The following ZSWIM2 variants were observed in gnomAD, a reference collection of about 807,000 sequenced individuals.
ZSWIM2 encodes zinc finger SWIM-type containing 2.
A neutral mutation model predicts 48.4 loss-of-function variants in ZSWIM2; 38 were observed. That is an observed-to-expected ratio of 0.79 (90% CI 0.61 to 1.03). The LOEUF (loss-of-function observed/expected upper bound fraction) is 1.03. Ranked by LOEUF, ZSWIM2 falls within the 50% of genes least tolerant of loss-of-function variation. The pLI is 0.00. For missense variants in ZSWIM2, 776 were observed against 730.2 expected (o/e 1.06, Z -0.72); for synonymous variants, 240 against 251.3 (o/e 0.96, Z 0.42).
intron 8 of ZSWIM2, 31 bp from the exon 9 acceptor site, chr2:186,828,821 A>C: frequency 7.8e-7 from 1 of 1,275,654 alleles, no homozygotes; most frequent in Non-Finnish European, 1.0e-6. Flanking sequence ...AATCAGAACT[A>C]TACCAATCTT....
In ZSWIM2 at chr2:186,844,774, G is replaced by GA. The variant is rs771706125; in HGVS notation, c.243-18dup. ...AACAAGACCCTAACATTCACAAGTA[G>GA]AAAAAAAATCAAGACATTTATTTTT... On this transcript the variant is annotated splice_polypyrimidine_tract_variant and intron_variant, in intron 2 of 8. Transcript: ENST00000295131. 3.1e-5 allele frequency: 47 copies of GA among 1,535,208 alleles called. No homozygotes were observed. The highest frequency in any genetic ancestry group is 2.6e-4 in the Admixed American group (12 of 46,174).
intron 3 of ZSWIM2, among the ~76,000 whole-genome samples, chr2:186,841,041 G>C (rs935449746): frequency 6.6e-6 from 1 of 151,464 alleles, no homozygotes; most frequent in Admixed American, 6.6e-5. Flanking sequence ...ATAAAGCACA[G>C]ACACTAAAAC....
intron 7 of ZSWIM2, among the ~76,000 whole-genome samples, chr2:186,832,616 C>T (rs563462500): frequency 6.6e-6 from 1 of 152,074 alleles, no homozygotes; most frequent in African/African-American, 2.4e-5. Context: ...ATTTCAAATG[C>T]AAATTTCAAA....
At chr2:186,834,472 G>C (rs190982454) in intron 5 of ZSWIM2, among the ~76,000 whole-genome samples, 177 of 152,186 alleles carry the variant, frequency 1.2e-3, no homozygotes, top group Middle Eastern at 3.4e-3. Flanking sequence ...TCAGATCAGC[G>C]GTGGCATCAG....
At position 186,837,326 on chromosome 2, in the gene ZSWIM2, T is replaced by G; in HGVS notation, c.723A>C (p.Pro241=). 1 of 1,612,764 alleles carries G rather than the reference T, an allele frequency of 6.2e-7. No homozygotes were observed. The highest frequency in any genetic ancestry group is 8.5e-7 in the Non-Finnish European group (1 of 1,179,120). ...CTTACTTATAACACTTCCCCTCAAT[T>G]GGAAACTGTTTGCAGTTATTACAGG... ...GIPCNNCKQF[P]IEGKCYKCTE... is the part of the protein sequence containing the mutation. Residue 241 remains proline, a synonymous_variant, in exon 5 of 9, where the codon CCA becomes CCC. Coordinates refer to ENST00000295131, the MANE Select transcript of ZSWIM2 (RefSeq NM_182521.3).
At chr2:186,833,266 A>G (rs758294972) in intron 6 of ZSWIM2, 34 bp from the exon 7 acceptor site, 37 of 1,073,152 alleles carry the variant, frequency 3.4e-5, no homozygotes, top group Non-Finnish European at 4.7e-5. Flanking sequence ...TACTTTGCAA[A>G]GTCGTGGATA....
intron 3 of ZSWIM2, among the ~76,000 whole-genome samples, chr2:186,840,977 C>A (rs1161871753): frequency 6.6e-6 from 1 of 151,300 alleles, no homozygotes; most frequent in Non-Finnish European, 1.5e-5. Context: ...GTAAACAAGG[C>A]AGTGGAAGAT....
chr2:186,834,456 C>T (rs971830825), intron 5 of ZSWIM2, among the ~76,000 whole-genome samples: 12 of 151,994 alleles, frequency 7.9e-5, no homozygotes, highest in Non-Finnish European at 1.0e-4. Context: ...AAATCTCCTC[C>T]TTCTGTCAGA....
chr2:186,833,855 A>G, intron 6 of ZSWIM2, 91 bp downstream of exon 6: 3 of 1,015,342 alleles, frequency 3.0e-6, no homozygotes, highest in Admixed American at 2.1e-5. Flanking sequence ...TCTGTTCCAC[A>G]GTGTTATGTA....
chr2:186,842,849 G>A (rs1691928996), intron 3 of ZSWIM2, among the ~76,000 whole-genome samples: 1 of 151,500 alleles, frequency 6.6e-6, no homozygotes, highest in Non-Finnish European at 1.5e-5. Context: ...AAATGTATAA[G>A]TATGTAACAA....
chr2:186,849,092 T>C lies in ZSWIM2; in HGVS notation c.39A>G (p.Arg13=). 6.2e-7 allele frequency: 1 copy of C among 1,614,006 alleles called. No individual in the cohort carries two copies. Among genetic ancestry groups the C allele is most frequent in the Non-Finnish European group, 8.5e-7 (1 of 1,179,962 alleles). Residue 13 remains arginine (R), a synonymous_variant, in exon 1 of 9, where the codon AGA becomes AGG. Coordinates refer to ENST00000295131, the MANE Select transcript of ZSWIM2 (RefSeq NM_182521.3). Reference sequence around the variant, plus strand: ...GCCAGCTGAGCCTCTCGCTCAAGTGTCTTCGCCTTTCAGAGGCCTTATAGC... The same window carrying C: ...GCCAGCTGAGCCTCTCGCTCAAGTGCCTTCGCCTTTCAGAGGCCTTATAGC... The part of the protein sequence containing the change: ...RRGYKASERR[R]HLSERLSWHQ...
intron 3 of ZSWIM2, among the ~76,000 whole-genome samples, chr2:186,840,888 A>G (rs1281694611): frequency 2.0e-5 from 3 of 151,470 alleles, no homozygotes. Context: ...TGAAAAAAGT[A>G]ATGCTTATAA....
chr2:186,840,699 A>T (rs1359367989), intron 3 of ZSWIM2, among the ~76,000 whole-genome samples: 1 of 151,016 alleles, frequency 6.6e-6, no homozygotes, highest in Non-Finnish European at 1.5e-5. Context: ...AAATAATAAA[A>T]TGAGCAGAAA....
chr2:186,838,967 G>T lies in ZSWIM2; in HGVS notation c.486C>A (p.Thr162=), dbSNP rs776404112. 1 of 1,606,890 alleles carries T rather than the reference G, an allele frequency of 6.2e-7. No homozygotes were observed. Among genetic ancestry groups the T allele is most frequent in the Non-Finnish European group, 8.5e-7 (1 of 1,175,970 alleles). ...ELLLEKKLPV[T]FCRFGCGNSI... ...AAGAAAAAGTACATCACCTGCAAAA[G>T]GTGACAGGAAGCTTTTTCTCTAAAA... The change falls in exon 4 of 9, where the codon ACC becomes ACA. Residue 162 remains threonine, a synonymous_variant. Coordinates refer to ENST00000295131, the MANE Select transcript of ZSWIM2 (RefSeq NM_182521.3).
chr2:186,828,405 G>A lies in ZSWIM2; in HGVS notation c.1481C>T (p.Pro494Leu), dbSNP rs138793510. The change falls in exon 9 of 9, where the codon CCC becomes CTC. Residue 494 changes from proline (P) to leucine (L), a missense_variant. Pro to Leu is a moderately conservative substitution (Grantham distance 98, BLOSUM62 -3). Transcript: ENST00000295131. ...TYDYKISQHF[P>L]RYLQDLPTVS... Reference sequence around the variant, plus strand: ...AGTGGGTAAATCTTGAAGATACCTGGGAAAATGTTGGCTAATTTTATAATC... The same window carrying A: ...AGTGGGTAAATCTTGAAGATACCTGAGAAAATGTTGGCTAATTTTATAATC... 3.7e-6 allele frequency: 6 copies of A among 1,613,420 alleles called. No homozygotes were observed. The highest frequency in any genetic ancestry group is 2.7e-5 in the African/African-American group (2 of 74,824).
At chr2:186,844,530 A>AT (rs1346565766) in intron 3 of ZSWIM2, among the ~76,000 whole-genome samples, 187 bp downstream of exon 3, 2 of 151,468 alleles carry the variant, frequency 1.3e-5, no homozygotes, top group African/African-American at 4.8e-5. Flanking sequence ...ATAAAGTTAC[A>AT]TTTTTTTAAA....
At chr2:186,846,192 G>A (rs1259182939) in intron 2 of ZSWIM2, among the ~76,000 whole-genome samples, 1 of 151,918 alleles carries the variant, frequency 6.6e-6, no homozygotes, top group Non-Finnish European at 1.5e-5. Context: ...AGAGTGAACA[G>A]ACAACCTAAA....
At chr2:186,829,646 A>G in intron 8 of ZSWIM2, 81 bp downstream of exon 8, 2 of 1,459,372 alleles carry the variant, frequency 1.4e-6, no homozygotes, top group Non-Finnish European at 1.9e-6. Flanking sequence ...CTCAAAAGTA[A>G]AAGGACAGAC....
At chr2:186,831,008 T>C (rs1419760738) in intron 7 of ZSWIM2, among the ~76,000 whole-genome samples, 2 of 152,172 alleles carry the variant, frequency 1.3e-5, no homozygotes, top group Non-Finnish European at 2.9e-5. Flanking sequence ...TTAAAATGTA[T>C]ATTTTTAGTA....
Sources: allele counts gnomAD v4.1 joint callset (sites outside exome capture counted in the v4.1 genomes callset), GRCh38; gene constraint gnomAD v4.1.1; transcripts MANE v1.5; gene names NCBI Gene and HGNC (gene_info 2026-07-23, HGNC 2026-07-21).